The following C5orf22 variants were observed in gnomAD, a reference collection of about 807,000 sequenced individuals.
C5orf22 encodes the protein UPF0489 protein C5orf22.
C5orf22 carries 36 observed loss-of-function variants against 48.7 expected under a neutral mutation model. The observed-to-expected ratio is 0.74, with a 90% CI of 0.57 to 0.98. C5orf22 has a LOEUF of 0.98. C5orf22 is among the 50% of genes least tolerant of loss of function. The probability of loss-of-function intolerance (pLI) is 0.00; values close to 1 mark genes in which losing one functional copy is unlikely to be tolerated. For missense variants in C5orf22, 486 were observed against 521.9 expected (o/e 0.93, Z 0.67); for synonymous variants, 141 against 180.8 (o/e 0.78, Z 1.76).
Position 31,535,799 on chromosome 5 carries a change from C to T in C5orf22, c.283C>T (p.His95Tyr), listed in dbSNP as rs755819547. 1 of 1,612,532 alleles carries T rather than the reference C, an allele frequency of 6.2e-7. No individual in the cohort carries two copies. Among genetic ancestry groups the T allele is most frequent in the Non-Finnish European group, 8.5e-7 (1 of 1,179,226 alleles). ...TGCAGTTTATGCTGGCCATTTTTCA[C>T]ATGTAATATGGTTTCATCCCACATG... ...MPAVYAGHFS[H>Y]VIWFHPTWAQ... The change falls in exon 3 of 9, where the codon CAT (histidine) becomes TAT (tyrosine). Residue 95 changes from histidine to tyrosine, a missense_variant. Coordinates refer to ENST00000325366, the MANE Select transcript of C5orf22 (RefSeq NM_018356.3).
chr5:31,550,409 A>G (rs1383850295), intron 7 of C5orf22, among the ~76,000 whole-genome samples: 1 of 152,242 alleles, frequency 6.6e-6, no homozygotes, highest in African/African-American at 2.4e-5. Context: ...ATGGTTATAC[A>G]TAAAGGATAC....
At chr5:31,532,509 A>T (rs745461015) in intron 1 of C5orf22, 36 bp downstream of exon 1, 5 of 1,578,202 alleles carry the variant, frequency 3.2e-6, no homozygotes, top group Non-Finnish European at 4.3e-6. Context: ...GGGCAGAATC[A>T]GCGGAAGCCC....
intron 4 of C5orf22, among the ~76,000 whole-genome samples, 175 bp downstream of exon 4, chr5:31,538,864 C>G (rs1481184345): frequency 6.6e-6 from 1 of 152,202 alleles, no homozygotes; most frequent in African/African-American, 2.4e-5. Flanking sequence ...TTGTATATAC[C>G]ATTCTTAACT....
intron 4 of C5orf22, among the ~76,000 whole-genome samples, chr5:31,539,993 G>C (rs770283996): frequency 1.6e-4 from 25 of 152,106 alleles, no homozygotes; most frequent in Non-Finnish European, 3.2e-4. Context: ...CAAGGCTGCA[G>C]TGAGTCGTGA....
chr5:31,533,604 T>TA (rs1741864042), intron 1 of C5orf22, among the ~76,000 whole-genome samples: 1 of 152,070 alleles, frequency 6.6e-6, no homozygotes, highest in Non-Finnish European at 1.5e-5. Context: ...AATTAGGTAT[T>TA]AAACCTAGAA....
chr5:31,542,406 G>A (rs1297448075), intron 6 of C5orf22, among the ~76,000 whole-genome samples: 1 of 142,844 alleles, frequency 7.0e-6, no homozygotes, highest in Non-Finnish European at 1.5e-5. Flanking sequence ...CTTGCAGTGA[G>A]CCGAGATTGC....
In C5orf22 at chr5:31,538,455, C is replaced by T; in HGVS notation, c.573C>T (p.Ala191=). 1 of 1,614,110 alleles carries T rather than the reference C, an allele frequency of 6.2e-7. No individual in the cohort carries two copies. Among genetic ancestry groups the T allele is most frequent in the East Asian group, 2.2e-5 (1 of 44,866 alleles). Residue 191 remains alanine, a synonymous_variant, in exon 4 of 9, where the codon GCC becomes GCT. Transcript: ENST00000325366. ...CCCTGGAAGATTCGGAAAACACTGCCTCTACTAACTGTGACTCTTCTTCAG... is the reference window on the plus strand; with the variant it reads ...CCCTGGAAGATTCGGAAAACACTGCTTCTACTAACTGTGACTCTTCTTCAG... ...KLALEDSENT[A]STNCDSSSEG...
chr5:31,537,472 G>A (rs1196538850), intron 3 of C5orf22, among the ~76,000 whole-genome samples: 2 of 152,164 alleles, frequency 1.3e-5, no homozygotes, highest in Non-Finnish European at 2.9e-5. Context: ...TCTATTTTTG[G>A]AAAATAGCTT....
At chr5:31,552,750 C>T in intron 8 of C5orf22, 23 bp from the exon 9 acceptor site, 2 of 1,606,222 alleles carry the variant, frequency 1.2e-6, no homozygotes, top group Non-Finnish European at 1.7e-6. Context: ...TATTTTTCTT[C>T]TTTCTCTTTC....
intron 3 of C5orf22, 92 bp downstream of exon 3, chr5:31,535,985 A>G (rs1742051445): frequency 7.8e-7 from 1 of 1,279,630 alleles, no homozygotes; most frequent in South Asian, 1.4e-5. Flanking sequence ...TCTGCACACA[A>G]ATAGGGTCAG....
At chr5:31,545,336 G>A (rs1422894862) in intron 6 of C5orf22, among the ~76,000 whole-genome samples, 1 of 152,150 alleles carries the variant, frequency 6.6e-6, no homozygotes, top group Non-Finnish European at 1.5e-5. Context: ...GGGATTATAG[G>A]CATGAGCCAC....
rs745567237 is a variant in C5orf22, at chr5:31,545,309, C to T, written c.993-337C>T. Among the ~76,000 whole-genome samples, 9 of 152,252 alleles carry T rather than the reference C, an allele frequency of 5.9e-5. No individual in the cohort carries two copies. The South Asian group carries it at 1.4e-3, about 25-fold the overall frequency. ...CTGACTTCAAGTGATCCGCCCGCCT[C>T]GGCCTCCCAAAGTGCTGGGATTATA... On this transcript the variant is annotated intron_variant, in intron 6 of 8. Coordinates refer to ENST00000325366, the MANE Select transcript of C5orf22 (RefSeq NM_018356.3).
chr5:31,536,902 C>T (rs952068481), intron 3 of C5orf22, among the ~76,000 whole-genome samples: 2 of 152,108 alleles, frequency 1.3e-5, no homozygotes, highest in Non-Finnish European at 2.9e-5. Context: ...AATGGTAATA[C>T]GTTGAAAATC....
intron 2 of C5orf22, 46 bp downstream of exon 2, chr5:31,534,463 T>C: frequency 6.6e-7 from 1 of 1,518,030 alleles, no homozygotes; most frequent in Non-Finnish European, 9.0e-7. Context: ...GAAGTACAAT[T>C]TGCAGTAGAT....
Position 31,538,244 on chromosome 5 carries a change from T to C in C5orf22, c.378-16T>C, listed in dbSNP as rs940997761. On this transcript the variant is annotated splice_polypyrimidine_tract_variant and intron_variant, in intron 3 of 8. Coordinates refer to ENST00000325366, the MANE Select transcript of C5orf22 (RefSeq NM_018356.3). ...TTGCCCATTCTTCTTAAAAATCGTT[T>C]TTTCCTCTGATTCAGGGTTACAAGT... is the stretch of plus-strand genomic sequence containing the variant. 1 of 1,548,006 alleles carries C rather than the reference T, an allele frequency of 6.5e-7. No homozygotes were observed. The highest frequency in any genetic ancestry group is 1.4e-5 in the African/African-American group (1 of 72,226).
At chr5:31,536,170 G>A (rs1300855266) in intron 3 of C5orf22, among the ~76,000 whole-genome samples, 1 of 152,200 alleles carries the variant, frequency 6.6e-6, no homozygotes, top group Non-Finnish European at 1.5e-5. Context: ...AGCCATTGAA[G>A]TATCTTATAG....
rs779605671 is a variant in C5orf22, at chr5:31,540,930, T to TTTTTG, written c.808-9_808-5dup. Reference sequence around the variant, plus strand: ...ACTTTTTTTTTTCTGGTATGTGGATTTTTTGTTTTGTTTTCCAGGAAGAGT... The same window carrying TTTTTG: ...ACTTTTTTTTTTCTGGTATGTGGATTTTTTGTTTTGTTTTGTTTTCCAGGAAGAGT... On this transcript the variant is annotated intron_variant, in intron 4 of 8. Transcript: ENST00000325366. 1.2e-5 allele frequency: 19 copies of TTTTTG among 1,592,864 alleles called. No homozygotes were observed. The highest frequency in any genetic ancestry group is 1.5e-5 in the Non-Finnish European group (17 of 1,168,456).
rs1459253150 is a variant in C5orf22 at position 31,538,463 on chromosome 5, A to G, written c.581A>G (p.Asn194Ser). The change falls in exon 4 of 9, where the codon AAC (asparagine) becomes AGC (serine). Residue 194 changes from asparagine to serine, a missense_variant. Transcript: ENST00000325366. ...LEDSENTAST[N>S]CDSSSEGLEK... is the part of the protein sequence containing the mutation. ...GATTCGGAAAACACTGCCTCTACTA[A>G]CTGTGACTCTTCTTCAGAAGGACTG... The G allele has an allele frequency of 6.2e-7, 1 of 1,614,120 alleles. No individual in the cohort carries two copies. The highest frequency in any genetic ancestry group is 8.5e-7 in the Non-Finnish European group (1 of 1,180,050).
chr5:31,538,451 C>T lies in C5orf22; in HGVS notation c.569C>T (p.Thr190Ile). 1 of 1,614,192 alleles carries T rather than the reference C, an allele frequency of 6.2e-7. No individual in the cohort carries two copies. Among genetic ancestry groups the T allele is most frequent in the African/African-American group, 1.3e-5 (1 of 75,058 alleles). The change falls in exon 4 of 9, where the codon ACT (threonine) becomes ATT (isoleucine). Residue 190 changes from threonine to isoleucine, a missense_variant. Physicochemically the swap from Thr to Ile is moderately conservative, Grantham distance 89 (BLOSUM62 -1). Transcript: ENST00000325366. The stretch of plus-strand genomic sequence containing the variant: ...CTAGCCCTGGAAGATTCGGAAAACA[C>T]TGCCTCTACTAACTGTGACTCTTCT... Reference protein sequence around the residue: ...PKLALEDSENTASTNCDSSSE... With the variant: ...PKLALEDSENIASTNCDSSSE...
Sources: allele counts gnomAD v4.1 joint callset (sites outside exome capture counted in the v4.1 genomes callset), GRCh38; gene constraint gnomAD v4.1.1; transcripts MANE v1.5; gene names NCBI Gene and HGNC (gene_info 2026-07-23, HGNC 2026-07-21).